CACNA1C: variants seen among roughly 807,000 people sequenced by gnomAD.
The protein encoded by CACNA1C is voltage-dependent L-type calcium channel subunit alpha-1C.
CACNA1C carries 30 observed loss-of-function variants against 229.0 expected under a neutral mutation model. The ratio of observed to expected loss-of-function variants is 0.13; its 90% confidence interval spans 0.10 to 0.18. The LOEUF (loss-of-function observed/expected upper bound fraction) is 0.18, where lower values mean the gene tolerates loss of function less well. CACNA1C is among the 10% of genes least tolerant of loss of function. The pLI, the probability that CACNA1C is intolerant of heterozygous loss-of-function variation, is 1.00. For missense variants in CACNA1C, 1,658 were observed against 2,845.0 expected (o/e 0.58, Z 9.49); for synonymous variants, 1,114 against 1,132.5 (o/e 0.98, Z 0.33).
intron 1 of CACNA1C, among the ~76,000 whole-genome samples, chr12:2,075,377 A>G (rs915048649): frequency 1.3e-5 from 2 of 151,974 alleles, no homozygotes; most frequent in Non-Finnish European, 2.9e-5. Context: ...TGAAGTGGGG[A>G]CCTCTTACAT....
At position 2,533,404 on chromosome 12, in the gene CACNA1C, G is replaced by A. The variant is rs117616484; in HGVS notation, c.1391-16539G>A. ...GAATGAGTGAAGGAGTACACACCCCGTCCCTTGGCCCCAAGATGCTCATTC... is the reference window on the plus strand; with the variant it reads ...GAATGAGTGAAGGAGTACACACCCCATCCCTTGGCCCCAAGATGCTCATTC... On this transcript the variant is annotated intron_variant, in intron 9 of 46. Coordinates refer to ENST00000399655, the MANE Select transcript of CACNA1C (RefSeq NM_000719.7). Among the ~76,000 whole-genome samples, 762 of 152,276 alleles carry A rather than the reference G, an allele frequency of 5.0e-3. 14 individuals are homozygous for A. The highest frequency in any genetic ancestry group is 0.01 in the Middle Eastern group (3 of 294).
intron 3 of CACNA1C, among the ~76,000 whole-genome samples, chr12:2,320,846 G>A (rs12317078): frequency 0.12 from 18,760 of 152,180 alleles, 1,292 homozygotes; most frequent in African/African-American, 0.18. Flanking sequence ...AAAAGGATGA[G>A]GTTCCTGGGT....
At chr12:2,121,785 C>A (rs1323151147) in intron 3 of CACNA1C, among the ~76,000 whole-genome samples, 1 of 152,222 alleles carries the variant, frequency 6.6e-6, no homozygotes, top group Non-Finnish European at 1.5e-5. Flanking sequence ...CCCTGTGTAG[C>A]CACCTCCTTC....
chr12:2,457,471 C>T, intron 4 of CACNA1C, 96 bp from the exon 5 acceptor site: 1 of 1,367,382 alleles, frequency 7.3e-7, no homozygotes, highest in South Asian at 1.4e-5. Flanking sequence ...GACGCCTGCG[C>T]AATCTGCTTT....
chr12:2,685,819 G>A lies in CACNA1C; in HGVS notation c.5657G>A (p.Gly1886Asp), dbSNP rs748198629. The A allele has an allele frequency of 1.2e-6, 2 of 1,613,306 alleles. No homozygotes were observed. The highest frequency in any genetic ancestry group is 2.2e-5 in the South Asian group (2 of 91,072). The change falls in exon 44 of 47, where the codon GGT (glycine) becomes GAT (aspartate). Residue 1886 changes from glycine to aspartate, a missense_variant. This residue lies in a region of CACNA1C where 590 missense variants were observed against 700.8 expected (regional missense o/e 0.84). Transcript: ENST00000399655. ...KRDIRQSPKR[G>D]FLRSASLGRR... is the part of the protein sequence containing the mutation. ...GACATCCGGCAATCTCCGAAGAGGG[G>A]TTTCCTCCGCTCTGCCTCACTAGGT... is the stretch of plus-strand genomic sequence containing the variant.
At chr12:2,356,426 G>A (rs2097364749) in intron 3 of CACNA1C, among the ~76,000 whole-genome samples, 1 of 152,250 alleles carries the variant, frequency 6.6e-6, no homozygotes, top group Non-Finnish European at 1.5e-5. Flanking sequence ...GTATGGAGCT[G>A]AGCTCCTCAG....
intron 3 of CACNA1C, among the ~76,000 whole-genome samples, chr12:2,370,187 G>A (rs1165515645): frequency 6.6e-6 from 1 of 152,026 alleles, no homozygotes; most frequent in African/African-American, 2.4e-5. Context: ...ACTTAATAAA[G>A]TAACACAGAT....
At chr12:2,573,547 G>C (rs1291698319) in intron 13 of CACNA1C, among the ~76,000 whole-genome samples, 2 of 152,232 alleles carry the variant, frequency 1.3e-5, no homozygotes, top group Non-Finnish European at 2.9e-5. Context: ...AATGCTTGGT[G>C]TACACATGGA....
chr12:2,524,621 C>G, intron 9 of CACNA1C, among the ~76,000 whole-genome samples: 1 of 152,280 alleles, frequency 6.6e-6, no homozygotes, highest in South Asian at 2.1e-4. Flanking sequence ...TCCACCACAC[C>G]GGTCTTCAGG....
chr12:2,429,017 C>T (rs764371698), intron 3 of CACNA1C, among the ~76,000 whole-genome samples: 6 of 152,072 alleles, frequency 3.9e-5, no homozygotes, highest in Admixed American at 6.6e-5. Flanking sequence ...AAGGAGTTGG[C>T]GGGGCCATTC....
intron 1 of CACNA1C, among the ~76,000 whole-genome samples, chr12:2,080,441 A>C (rs2065086533): frequency 6.6e-6 from 1 of 151,872 alleles, no homozygotes; most frequent in Non-Finnish European, 1.5e-5. Flanking sequence ...CTCTACTAAA[A>C]ATACAAAAAA....
At chr12:2,195,939 A>T (rs897255897) in intron 3 of CACNA1C, among the ~76,000 whole-genome samples, 3 of 152,134 alleles carry the variant, frequency 2.0e-5, no homozygotes, top group Non-Finnish European at 4.4e-5. Flanking sequence ...ACGTGGTCCG[A>T]GCTCCTGGAG....
rs2097792174 is a variant in CACNA1C, at chr12:2,691,830, G to C, written c.*631G>C. 1 of 152,402 alleles carries C rather than the reference G, an allele frequency of 6.6e-6. No individual in the cohort carries two copies. The highest frequency in any genetic ancestry group is 2.1e-4 in the South Asian group (1 of 4,840). The allele number at this position is 152,402 out of a possible 1,614,324, so 9.4% of individuals were successfully genotyped here. On this transcript the variant is annotated 3_prime_UTR_variant, in exon 47 of 47. Transcript: ENST00000399655. ...CTCCCGGCCAGCCGCCGGCCCGCAG[G>C]CAGCGCGAGGGAGGAGCTGCGCCGC...
At chr12:2,023,757 A>G (rs1019840546) in intron 1 of CACNA1C, among the ~76,000 whole-genome samples, 2 of 152,106 alleles carry the variant, frequency 1.3e-5, no homozygotes, top group African/African-American at 4.8e-5. Flanking sequence ...TGCAGCTCAC[A>G]GCTTATGGTT....
In CACNA1C at chr12:2,129,348, C is replaced by G. The variant is rs574879436; in HGVS notation, c.477+8918C>G. Among the ~76,000 whole-genome samples the G allele has an allele frequency of 1.3e-4, 20 of 152,264 alleles. No homozygotes were observed. In the South Asian group the frequency reaches 4.1e-3, roughly 32 times the overall value. On this transcript the variant is annotated intron_variant, in intron 3 of 46. Transcript: ENST00000399655. ...GAGAGCCTGGGGCAATTGTTTGACT[C>G]AGGGTTTACTCACTAAATATTTCAG... is the stretch of plus-strand genomic sequence containing the variant.
In CACNA1C at chr12:2,297,873, A is replaced by T. The variant is rs143722006; in HGVS notation, c.478-151103A>T. On this transcript the variant is annotated intron_variant, in intron 3 of 46. Coordinates refer to ENST00000399655, the MANE Select transcript of CACNA1C (RefSeq NM_000719.7). The stretch of plus-strand genomic sequence containing the variant: ...TACCAAAGAAACAAAAAAAAACCTA[A>T]AACCACACACACACACACGTGTGCA... Among the ~76,000 whole-genome samples the T allele has an allele frequency of 2.9e-4, 44 of 152,288 alleles. 1 individual carries two copies. The highest frequency in any genetic ancestry group is 3.4e-3 in the Middle Eastern group (1 of 294).
intron 9 of CACNA1C, among the ~76,000 whole-genome samples, chr12:2,545,481 G>A (rs544165520): frequency 3.9e-5 from 6 of 152,198 alleles, no homozygotes; most frequent in South Asian, 2.1e-4. Context: ...TGTGCCGTAC[G>A]TTCGTTAGCA....
Position 2,684,917 on chromosome 12 carries a change from T to G in CACNA1C, c.5574-819T>G, listed in dbSNP as rs140704334. On this transcript the variant is annotated intron_variant, in intron 43 of 46. Coordinates refer to ENST00000399655, the MANE Select transcript of CACNA1C (RefSeq NM_000719.7). ...GCAGGCATGGAGTCACCCTCAGAGG[T>G]GTGGGGTGGCACCAGGGACCAGTGA... 3.1e-3 allele frequency among the ~76,000 whole-genome samples: 479 copies of G among 152,156 alleles called. 4 individuals are homozygous for G. Among genetic ancestry groups the G allele is most frequent in the East Asian group, 0.028 (144 of 5,166 alleles).
Position 2,135,953 on chromosome 12 carries a change from A to C in CACNA1C, c.477+15523A>C, listed in dbSNP as rs925757686. ...ATCTCAGACTGCTGTGCTAGCAATC[A>C]GCGAGACTCCGTGGGCGTAGGACCC... On this transcript the variant is annotated intron_variant, in intron 3 of 46. Coordinates refer to ENST00000399655, the MANE Select transcript of CACNA1C (RefSeq NM_000719.7). Among the ~76,000 whole-genome samples, 28 of 149,296 alleles carry C rather than the reference A, an allele frequency of 1.9e-4. 1 individual carries two copies. Among genetic ancestry groups the C allele is most frequent in the Non-Finnish European group, 2.5e-4 (17 of 67,318 alleles).
Sources: gnomAD v4.1 joint callset for allele counts (sites outside exome capture counted in the v4.1 genomes callset) on GRCh38, gnomAD v4.1.1 for gene constraint, gnomAD v4.1.1 regional missense constraint, MANE v1.5 for transcripts, NCBI Gene and HGNC (gene_info 2026-07-23, HGNC 2026-07-21) for gene names.